TLE1: variants seen among roughly 807,000 people sequenced by gnomAD.
TLE1 encodes TLE family member 1, transcriptional corepressor.
Under a neutral mutation model 89.8 loss-of-function variants are expected in TLE1, and 21 were observed. That is an observed-to-expected ratio of 0.23 (90% CI 0.17 to 0.34). The LOEUF (loss-of-function observed/expected upper bound fraction) is 0.34, where lower values mean the gene tolerates loss of function less well. TLE1 is among the 10% of genes least tolerant of loss of function. The pLI is 1.00. For synonymous variants in TLE1, 447 were observed against 407.6 expected, an observed-to-expected ratio of 1.10 and a Z score of -1.16; for missense variants, 795 against 1,031.2, an observed-to-expected ratio of 0.77 and a Z score of 3.14.
chr9:81,621,194 A>G (rs1173169286), intron 8 of TLE1, among the ~76,000 whole-genome samples: 1 of 152,240 alleles, frequency 6.6e-6, no homozygotes, highest in African/African-American at 2.4e-5. Flanking sequence ...TCCCACACAC[A>G]AAAGCAGGAA....
chr9:81,590,968 T>C lies in TLE1; in HGVS notation c.1666A>G (p.Ile556Val), dbSNP rs996592604. The stretch of plus-strand genomic sequence containing the variant: ...GGGGTTGGAGCCGCCAGGTCCCAAA[T>C]GGACAAAGTACTGGCTTCCCCTCCC... ...IVGGEASTLS[I>V]WDLAAPTPRI... The change falls in exon 16 of 20, where the codon ATT becomes GTT. Residue 556 changes from isoleucine (I) to valine (V), a missense_variant. Ile to Val is a conservative substitution (Grantham distance 29, BLOSUM62 3). Coordinates refer to ENST00000376499, the MANE Select transcript of TLE1 (RefSeq NM_005077.5). 2.5e-6 allele frequency: 4 copies of C among 1,614,260 alleles called. No homozygotes were observed. Among genetic ancestry groups the C allele is most frequent in the African/African-American group, 1.3e-5 (1 of 75,070 alleles).
chr9:81,619,778 T>C (rs1188214217), intron 9 of TLE1, among the ~76,000 whole-genome samples: 2 of 152,178 alleles, frequency 1.3e-5, no homozygotes, highest in South Asian at 2.1e-4. Context: ...TGGTTTCCTT[T>C]TGAATGTGGT....
chr9:81,628,997 G>A (rs1826242477), intron 8 of TLE1, among the ~76,000 whole-genome samples: 1 of 152,152 alleles, frequency 6.6e-6, no homozygotes, highest in South Asian at 2.1e-4. Flanking sequence ...GTCTCCTCCA[G>A]AGTCTCCTCC....
intron 6 of TLE1, among the ~76,000 whole-genome samples, chr9:81,648,686 A>G (rs1829172248): frequency 6.6e-6 from 1 of 152,200 alleles, no homozygotes; most frequent in African/African-American, 2.4e-5. Flanking sequence ...TAAAGTGGAG[A>G]AGTGGTCTTG....
chr9:81,612,001 T>G lies in TLE1; in HGVS notation c.1064-42A>C, dbSNP rs757206719. The G allele has an allele frequency of 3.6e-6, 5 of 1,385,218 alleles. 1 individual carries two copies. In the South Asian group the frequency reaches 9.1e-5, roughly 25 times the overall value. The allele number at this position is 1,385,218 out of a possible 1,614,324, so 85.8% of individuals were successfully genotyped here. On this transcript the variant is annotated intron_variant, in intron 12 of 19. Coordinates refer to ENST00000376499, the MANE Select transcript of TLE1 (RefSeq NM_005077.5). ...GCCGCACATCATTCAACTGACCCAC[T>G]CCATCAAACCTGACCAGCAAGTCTG...
intron 13 of TLE1, among the ~76,000 whole-genome samples, chr9:81,611,232 C>T (rs1290563227): frequency 1.3e-5 from 2 of 152,280 alleles, no homozygotes; most frequent in South Asian, 2.1e-4. Context: ...AGACAGCCTG[C>T]CCCCGTGGTT....
chr9:81,660,934 AACACAC>A (rs548190067), intron 4 of TLE1, among the ~76,000 whole-genome samples: 5,095 of 88,764 alleles, frequency 0.057, 224 homozygotes, highest in African/African-American at 0.13. Flanking sequence ...ATCCCTACTA[AACACAC>A]ACACACACAC....
intron 6 of TLE1, among the ~76,000 whole-genome samples, chr9:81,638,423 C>T (rs1241596300): frequency 6.6e-6 from 1 of 152,180 alleles, no homozygotes; most frequent in Non-Finnish European, 1.5e-5. Flanking sequence ...AAACAGCTAT[C>T]TCCAAAAGGA....
chr9:81,668,190 T>C (rs1486410282), intron 4 of TLE1, among the ~76,000 whole-genome samples: 1 of 149,158 alleles, frequency 6.7e-6, no homozygotes, highest in Non-Finnish European at 1.5e-5. Context: ...AAGAAGGATA[T>C]GTAAAGGAAG....
chr9:81,660,035 T>G (rs1470787534), intron 4 of TLE1, among the ~76,000 whole-genome samples: 1 of 152,190 alleles, frequency 6.6e-6, no homozygotes, highest in African/African-American at 2.4e-5. Context: ...ACTAAACCTA[T>G]GTGCTTAAAA....
chr9:81,674,056 A>G (rs145445525), intron 4 of TLE1, among the ~76,000 whole-genome samples: 24 of 152,278 alleles, frequency 1.6e-4, no homozygotes, highest in South Asian at 2.1e-4. Context: ...AATGGCACAA[A>G]TAACGGTGGC....
At chr9:81,633,270 G>A in intron 8 of TLE1, 78 bp downstream of exon 8, 3 of 1,603,108 alleles carry the variant, frequency 1.9e-6, no homozygotes, top group East Asian at 2.2e-5. Context: ...GTGTGGAGAA[G>A]TGTTGTCAGA....
chr9:81,671,698 G>A (rs1832249114), intron 4 of TLE1, among the ~76,000 whole-genome samples: 1 of 151,768 alleles, frequency 6.6e-6, no homozygotes, highest in African/African-American at 2.4e-5. Flanking sequence ...GTCAGTATTT[G>A]AAACCTCCTT....
intron 14 of TLE1, among the ~76,000 whole-genome samples, chr9:81,602,583 T>C (rs1384090029): frequency 2.0e-5 from 3 of 152,108 alleles, no homozygotes; most frequent in African/African-American, 7.3e-5. Flanking sequence ...GAATTTTCCA[T>C]GTGTGGCTCA....
chr9:81,585,617 C>T lies in TLE1; in HGVS notation c.2016G>A (p.Leu672=), dbSNP rs1349408346. The part of the protein sequence containing the change: ...SLGYCPTGEW[L]AVGMESSNVE... ...CATTGCTGCTCTCCATGCCCACTGC[C>T]AGCCACTCCCCGGTGGGGCAGTACC... The change falls in exon 18 of 20, where the codon CTG becomes CTA. Residue 672 remains leucine, a synonymous_variant. Transcript: ENST00000376499. 1.1e-5 allele frequency: 18 copies of T among 1,614,018 alleles called. No individual in the cohort carries two copies. The highest frequency in any genetic ancestry group is 1.4e-5 in the Non-Finnish European group (17 of 1,180,036).
At position 81,620,476 on chromosome 9, in the gene TLE1, T is replaced by C. The variant is rs772879890; in HGVS notation, c.676A>G (p.Lys226Glu). Residue 226 changes from lysine to glutamate, a missense_variant, in exon 9 of 20, where the codon AAA becomes GAA. Physicochemically the swap from Lys to Glu is moderately conservative, Grantham distance 56. Coordinates refer to ENST00000376499, the MANE Select transcript of TLE1 (RefSeq NM_005077.5). ...GAGTCCTTATCATCCACCTTCCTTT[T>C]CTTGATGTCATTGGAAAATTCAGGT... ...NGPEFSNDIK[K>E]RKVDDKDSSH... 1 of 1,614,142 alleles carries C rather than the reference T, an allele frequency of 6.2e-7. No individual in the cohort carries two copies. The highest frequency in any genetic ancestry group is 8.5e-7 in the Non-Finnish European group (1 of 1,180,030).
intron 14 of TLE1, among the ~76,000 whole-genome samples, chr9:81,605,911 C>T (rs1230950745): frequency 6.6e-6 from 1 of 151,336 alleles, no homozygotes; most frequent in Non-Finnish European, 1.5e-5. Flanking sequence ...CTACAAAGAA[C>T]TTAAACAAAT....
intron 4 of TLE1, among the ~76,000 whole-genome samples, chr9:81,670,052 GACA>G (rs1028395818): frequency 1.3e-5 from 2 of 152,124 alleles, no homozygotes; most frequent in African/African-American, 4.8e-5. Context: ...GTGTCTCCAT[GACA>G]ACGTTGGCCA....
intron 9 of TLE1, 94 bp downstream of exon 9, chr9:81,620,347 G>T: frequency 1.0e-6 from 1 of 977,364 alleles, no homozygotes; most frequent in Non-Finnish European, 1.6e-6. Flanking sequence ...TATGTTTAAG[G>T]ACATGGAATT....
Sources: allele counts gnomAD v4.1 joint callset (sites outside exome capture counted in the v4.1 genomes callset), GRCh38; gene constraint gnomAD v4.1.1; transcripts MANE v1.5; gene names NCBI Gene and HGNC (gene_info 2026-07-23, HGNC 2026-07-21).